Variants in RNF135 observed in about 807,000 individuals in gnomAD.
RNF135 encodes ring finger protein 135.
A neutral mutation model predicts 41.9 loss-of-function variants in RNF135; 46 were observed. The observed-to-expected ratio is 1.10, with a 90% confidence interval of 0.87 to 1.40. The LOEUF (loss-of-function observed/expected upper bound fraction) is 1.40. Among genes scored for constraint, RNF135 ranks in the 40% most tolerant of loss-of-function variants. The probability of loss-of-function intolerance (pLI) is 0.00; values close to 1 mark genes in which losing one functional copy is unlikely to be tolerated. For missense variants in RNF135, 539 were observed against 549.8 expected (o/e 0.98, Z 0.20); for synonymous variants, 238 against 223.8 (o/e 1.06, Z -0.57).
At position 30,971,224 on chromosome 17, in the gene RNF135, G is replaced by T; in HGVS notation, c.151G>T (p.Ala51Ser). 3 of 1,511,588 alleles carry T rather than the reference G, an allele frequency of 2.0e-6. No homozygotes were observed. Among genetic ancestry groups the T allele is most frequent in the Non-Finnish European group, 2.6e-6 (3 of 1,136,942 alleles). The allele number at this position is 1,511,588 out of a possible 1,614,324, so 93.6% of individuals were successfully genotyped here. A position where few individuals can be genotyped will look rare whatever the true frequency, so the allele number is the denominator to read the frequency against. The change falls in exon 1 of 5, where the codon GCC (alanine) becomes TCC (serine). Residue 51 changes from alanine to serine, a missense_variant. Coordinates refer to ENST00000328381, the MANE Select transcript of RNF135 (RefSeq NM_032322.4). ...CRHCLEALWG[A>S]RDARRWACPT... ...CCACTGCCTGGAGGCCCTGTGGGGC[G>T]CCCGCGACGCCCGCCGCTGGGCCTG...
At chr17:30,963,526 C>T in the RNF135 span, among the ~76,000 whole-genome samples, 12 of 151,674 alleles carry the variant, frequency 7.9e-5, no homozygotes, top group Admixed American at 6.6e-4. Context: ...GAGCCGAGAT[C>T]GCACCACTGC....
chr17:30,974,397 G>C (rs1212328236), intron 1 of RNF135, among the ~76,000 whole-genome samples: 1 of 151,888 alleles, frequency 6.6e-6, no homozygotes, highest in East Asian at 1.9e-4. Flanking sequence ...AGAACCCCTC[G>C]CAATTCCATC....
Position 30,999,541 on chromosome 17 carries a change from A to G in RNF135, c.*350A>G. On this transcript the variant is annotated 3_prime_UTR_variant, in exon 5 of 5. Transcript: ENST00000328381. The stretch of plus-strand genomic sequence containing the variant: ...CCTGGGAGATAACCTCTAAGCCATT[A>G]GAATATCTTGCCTGATAAGAGTGTT... 1 of 299,976 alleles carries G rather than the reference A, an allele frequency of 3.3e-6. No individual in the cohort carries two copies. The highest frequency in any genetic ancestry group is 6.5e-6 in the Non-Finnish European group (1 of 153,616). The allele number at this position is 299,976 out of a possible 1,614,324, so 18.6% of individuals were successfully genotyped here.
At chr17:30,998,582 T>C in intron 4 of RNF135, 80 bp from the exon 5 acceptor site, 2 of 1,352,228 alleles carry the variant, frequency 1.5e-6, no homozygotes, top group Non-Finnish European at 2.1e-6. Context: ...AGATACAAAG[T>C]TGCTATTTGA....
chr17:30,975,749 A>G, intron 1 of RNF135: 2 of 1,250,914 alleles, frequency 1.6e-6, no homozygotes, highest in Non-Finnish European at 2.3e-6. Flanking sequence ...CCTGGTGTAC[A>G]TGGGTCATCG....
chr17:30,961,163 A>G, the RNF135 span, among the ~76,000 whole-genome samples: 1 of 152,168 alleles, frequency 6.6e-6, no homozygotes, highest in South Asian at 2.1e-4. Flanking sequence ...GCTATACCAT[A>G]CCTTGTTTAT....
At chr17:30,986,111 A>G (rs986740150) in intron 2 of RNF135, among the ~76,000 whole-genome samples, 4 of 151,910 alleles carry the variant, frequency 2.6e-5, no homozygotes, top group African/African-American at 9.7e-5. Context: ...GGTTATCACC[A>G]TTGCACCTTT....
chr17:30,988,862 C>T (rs1002689269), intron 3 of RNF135, among the ~76,000 whole-genome samples: 4 of 148,000 alleles, frequency 2.7e-5, no homozygotes, highest in Non-Finnish European at 6.0e-5. Flanking sequence ...GCCAGAATTA[C>T]AGGCGTGCGC....
At chr17:30,990,624 C>T (rs530331437) in intron 3 of RNF135, among the ~76,000 whole-genome samples, 8 of 152,280 alleles carry the variant, frequency 5.3e-5, no homozygotes, top group South Asian at 2.1e-4. Context: ...CTTTTATTAC[C>T]GTTTTTTTGA....
chr17:30,993,969 A>G (rs1014871052), intron 3 of RNF135: 1 of 499,442 alleles, frequency 2.0e-6, no homozygotes, highest in Non-Finnish European at 3.5e-6. Context: ...ACACTCAGCT[A>G]ATTTTTTGTA....
upstream of RNF135, chr17:30,969,469 T>C (rs1193560781): frequency 6.6e-6 from 1 of 152,228 alleles, no homozygotes. Context: ...GGGAGTCTGC[T>C]CATCTTAGCC....
At chr17:30,972,237 C>CA (rs1263016307) in intron 1 of RNF135, 1 of 152,120 alleles carries the variant, frequency 6.6e-6, no homozygotes, top group Non-Finnish European at 1.5e-5. Flanking sequence ...ACTGGGACTA[C>CA]AGGCGCCCGC....
chr17:30,984,880 T>G, intron 2 of RNF135, 120 bp downstream of exon 2: 2 of 1,143,560 alleles, frequency 1.7e-6, no homozygotes, highest in Non-Finnish European at 2.6e-6. Flanking sequence ...TCTTTTATTG[T>G]TCTCTTTACT....
the RNF135 span, among the ~76,000 whole-genome samples, chr17:30,961,456 TC>T: frequency 6.6e-6 from 1 of 151,710 alleles, no homozygotes; most frequent in Non-Finnish European, 1.5e-5. Context: ...CTCTCCCCTC[TC>T]CTCTCCTGTC....
At chr17:30,988,924 CTTTTTTTTTTTT>C (rs572603845) in intron 3 of RNF135, among the ~76,000 whole-genome samples, 1 of 99,936 alleles carries the variant, frequency 1.0e-5, no homozygotes, top group African/African-American at 4.1e-5. Flanking sequence ...TTCTTTCTTT[CTTTTTTTTTTTT>C]TTTTTTTTAA....
At chr17:30,970,441 G>C (rs1181577095), upstream of RNF135, 1 of 152,780 alleles carries the variant, frequency 6.5e-6, no homozygotes, top group Non-Finnish European at 1.5e-5. Context: ...CCAAGGGTTC[G>C]CTCACTCAAC....
rs1356627600 is a variant in RNF135, at chr17:30,983,343, ATATATATATATTTT to A, written c.373-1272_373-1259del. ...TACATATATATATATATATATATAT[ATATATATATATTTT>A]TTTTTTTTTTTTTTGAGATGGAGTC... On this transcript the variant is annotated intron_variant, in intron 1 of 4. Coordinates refer to ENST00000328381, the MANE Select transcript of RNF135 (RefSeq NM_032322.4). Among the ~76,000 whole-genome samples, 47 of 31,780 alleles carry A rather than the reference ATATATATATATTTT, an allele frequency of 1.5e-3. 1 individual carries two copies. Among genetic ancestry groups the A allele is most frequent in the Non-Finnish European group, 2.5e-3 (38 of 15,424 alleles). 20.8% of individuals were successfully genotyped at this position (31,780 alleles called of 152,430 possible). A position where few individuals can be genotyped will look rare whatever the true frequency, so the allele number is the denominator to read the frequency against.
In RNF135 at chr17:30,984,715, C is replaced by T. The variant is rs757345534; in HGVS notation, c.471C>T (p.Pro157=). ...DIVRSLQNQR[P]LSESGPDNEL... ...TCAGAAGCCTGCAGAATCAGAGGCC[C>T]CTATCAGAATCTGGACCAGACAACG... Residue 157 remains proline, a synonymous_variant, in exon 2 of 5, where the codon CCC becomes CCT. Coordinates refer to ENST00000328381, the MANE Select transcript of RNF135 (RefSeq NM_032322.4). The T allele has an allele frequency of 6.2e-6, 10 of 1,614,104 alleles. No individual in the cohort carries two copies. The highest frequency in any genetic ancestry group is 1.7e-5 in the Admixed American group (1 of 59,998).
Position 30,999,834 on chromosome 17 carries a change from T to C in RNF135, c.*643T>C, listed in dbSNP as rs913470831. 1.3e-5 allele frequency: 2 copies of C among 154,586 alleles called. No individual in the cohort carries two copies. The highest frequency in any genetic ancestry group is 4.8e-5 in the African/African-American group (2 of 41,454). 9.6% of individuals were successfully genotyped at this position (154,586 alleles called of 1,614,324 possible). ...GATAATTGGAAGTTCTCTTGGACCTTACCTTATGTGCCTTTCTTCATTGCT... is the reference window on the plus strand; with the variant it reads ...GATAATTGGAAGTTCTCTTGGACCTCACCTTATGTGCCTTTCTTCATTGCT... On this transcript the variant is annotated 3_prime_UTR_variant, in exon 5 of 5. Coordinates refer to ENST00000328381, the MANE Select transcript of RNF135 (RefSeq NM_032322.4).
Sources: allele counts gnomAD v4.1 joint callset (sites outside exome capture counted in the v4.1 genomes callset), GRCh38; gene constraint gnomAD v4.1.1; transcripts MANE v1.5; gene names NCBI Gene and HGNC (gene_info 2026-07-23, HGNC 2026-07-21).